Variants in SCEL observed in about 807,000 individuals in gnomAD.
SCEL encodes sciellin.
Under a neutral mutation model 117.6 loss-of-function variants are expected in SCEL, and 113 were observed. That is an observed-to-expected ratio of 0.96 (90% CI 0.83 to 1.12). SCEL has a LOEUF of 1.12. Among genes scored for constraint, SCEL ranks in the 50% most tolerant of loss-of-function variants. The pLI is 0.00. For synonymous variants in SCEL, 270 were observed against 256.2 expected, an observed-to-expected ratio of 1.05 and a Z score of -0.51; for missense variants, 785 against 810.8, an observed-to-expected ratio of 0.97 and a Z score of 0.39.
At chr13:77,542,269 T>C (rs1242691779) in intron 1 of SCEL, among the ~76,000 whole-genome samples, 3 of 152,046 alleles carry the variant, frequency 2.0e-5, no homozygotes, top group African/African-American at 7.2e-5. Flanking sequence ...GGCATGGTGG[T>C]GCGTGCCTGT....
chr13:77,631,245 C>T (rs1053337678), intron 28 of SCEL, among the ~76,000 whole-genome samples: 1 of 152,182 alleles, frequency 6.6e-6, no homozygotes, highest in African/African-American at 2.4e-5. Context: ...TGTTGTCTCT[C>T]CAACTCTATT....
Position 77,556,664 on chromosome 13 carries a change from A to C in SCEL, c.112A>C (p.Thr38Pro). The change falls in exon 3 of 33, where the codon ACT becomes CCT. Residue 38 changes from threonine to proline, a missense_variant. Physicochemically the swap from Thr to Pro is conservative, Grantham distance 38. Coordinates refer to ENST00000349847, the MANE Select transcript of SCEL (RefSeq NM_144777.3). ...TTTTCACGAGGTGAACAAAAGAAGA[A>C]CTTTCTTACAGGATAACAGTTGGAT... ...QDFHEVNKRR[T>P]FLQDNSWIKK... is the part of the protein sequence containing the mutation. 1 of 1,614,094 alleles carries C rather than the reference A, an allele frequency of 6.2e-7. No individual in the cohort carries two copies. Among genetic ancestry groups the C allele is most frequent in the Non-Finnish European group, 8.5e-7 (1 of 1,179,974 alleles).
At chr13:77,620,390 G>C (rs1182826158) in intron 27 of SCEL, among the ~76,000 whole-genome samples, 1 of 152,154 alleles carries the variant, frequency 6.6e-6, no homozygotes, top group Non-Finnish European at 1.5e-5. Context: ...TATCAATTCA[G>C]TGTGACACAA....
intron 29 of SCEL, among the ~76,000 whole-genome samples, chr13:77,635,859 C>A (rs1365082244): frequency 6.6e-6 from 1 of 152,130 alleles, no homozygotes; most frequent in African/African-American, 2.4e-5. Flanking sequence ...TGGGAACTTT[C>A]TAGAAATAAA....
At chr13:77,608,169 C>T in intron 20 of SCEL, 54 bp downstream of exon 20, 1 of 1,394,462 alleles carries the variant, frequency 7.2e-7, no homozygotes, top group African/African-American at 1.4e-5. Flanking sequence ...ATTTGTGGCA[C>T]TCAGGAAAGA....
At chr13:77,608,017 C>A in intron 19 of SCEL, 39 bp from the exon 20 acceptor site, 1 of 1,481,250 alleles carries the variant, frequency 6.8e-7, no homozygotes, top group Non-Finnish European at 9.4e-7. Context: ...ACCATTGTTA[C>A]GTGTTGTCAA....
At position 77,644,650 on chromosome 13, in the gene SCEL, C is replaced by T. The variant is rs2090710316; in HGVS notation, c.*376C>T. 1 of 164,958 alleles carries T rather than the reference C, an allele frequency of 6.1e-6. No homozygotes were observed. Among genetic ancestry groups the T allele is most frequent in the South Asian group, 1.9e-4 (1 of 5,386 alleles). 10.2% of individuals were successfully genotyped at this position (164,958 alleles called of 1,614,324 possible). On this transcript the variant is annotated 3_prime_UTR_variant, in exon 33 of 33. Transcript: ENST00000349847. ...TTCTCTAAGAATTTGGATTCGTAGA[C>T]ATTGACATCCCGAAGAACTGTCAAG...
At chr13:77,595,568 C>T (rs2087176642) in intron 12 of SCEL, among the ~76,000 whole-genome samples, 1 of 152,166 alleles carries the variant, frequency 6.6e-6, no homozygotes, top group Non-Finnish European at 1.5e-5. Context: ...ATAATCTCAT[C>T]ATTGTGACTC....
At chr13:77,580,911 T>C (rs992162820) in intron 9 of SCEL, among the ~76,000 whole-genome samples, 4 of 152,210 alleles carry the variant, frequency 2.6e-5, no homozygotes, top group African/African-American at 9.6e-5. Flanking sequence ...TGTTAGCTGA[T>C]TGGTAGACTT....
chr13:77,595,836 C>T (rs545268823), intron 12 of SCEL, among the ~76,000 whole-genome samples: 69 of 152,242 alleles, frequency 4.5e-4, no homozygotes, highest in African/African-American at 1.5e-3. Context: ...ACCATTGATA[C>T]CTAAAACTAC....
At position 77,617,845 on chromosome 13, in the gene SCEL, A is replaced by T; in HGVS notation, c.1554A>T (p.Val518=). 1 of 1,610,118 alleles carries T rather than the reference A, an allele frequency of 6.2e-7. No individual in the cohort carries two copies. Among genetic ancestry groups the T allele is most frequent in the Middle Eastern group, 1.7e-4 (1 of 6,042 alleles). ...ACCTCATCAAAGTAAATCCTGCAGT[A>T]ATCAGAAACAATCAGAGGTATATAT... is the stretch of plus-strand genomic sequence containing the variant. The part of the protein sequence containing the change: ...LANLIKVNPA[V]IRNNQSQDLD... Residue 518 remains valine (V), a synonymous_variant, in exon 26 of 33, where the codon GTA becomes GTT. Transcript: ENST00000349847.
chr13:77,615,935 A>G (rs1448403865), intron 24 of SCEL, among the ~76,000 whole-genome samples: 1 of 151,990 alleles, frequency 6.6e-6, no homozygotes, highest in African/African-American at 2.4e-5. Context: ...AAATTAATAG[A>G]ATGAACTGAA....
chr13:77,640,725 G>A lies in SCEL; in HGVS notation c.1888G>A (p.Val630Ile). 1 of 1,607,664 alleles carries A rather than the reference G, an allele frequency of 6.2e-7. No homozygotes were observed. The highest frequency in any genetic ancestry group is 8.5e-7 in the Non-Finnish European group (1 of 1,175,790). The change falls in exon 31 of 33, where the codon GTA (valine) becomes ATA (isoleucine). Residue 630 changes from valine (V) to isoleucine (I), a missense_variant. By Grantham distance (29) the Val-to-Ile change is conservative. Transcript: ENST00000349847. ...CACTTACTGCCGAAAACCCTTGGGT[G>A]TAGAAACTAAAATGATTTTAGATGA... is the stretch of plus-strand genomic sequence containing the variant. The part of the protein sequence containing the change: ...MCTYCRKPLG[V>I]ETKMILDELQ...
intron 8 of SCEL, among the ~76,000 whole-genome samples, chr13:77,570,151 A>G (rs911647593): frequency 6.6e-6 from 1 of 152,222 alleles, no homozygotes; most frequent in Non-Finnish European, 1.5e-5. Flanking sequence ...ACCTGGGTCC[A>G]TGCTCTGTAC....
At chr13:77,588,378 G>T (rs1167939647) in intron 9 of SCEL, among the ~76,000 whole-genome samples, 1 of 152,142 alleles carries the variant, frequency 6.6e-6, no homozygotes, top group African/African-American at 2.4e-5. Context: ...GAAGCCAGAA[G>T]GGTACACAGG....
chr13:77,547,392 T>C (rs2084052062), intron 1 of SCEL, among the ~76,000 whole-genome samples: 1 of 152,204 alleles, frequency 6.6e-6, no homozygotes, highest in Admixed American at 6.5e-5. Context: ...GTTTCACATA[T>C]GAGACTAATT....
chr13:77,586,618 C>T (rs1408519306), intron 9 of SCEL, among the ~76,000 whole-genome samples: 2 of 152,174 alleles, frequency 1.3e-5, no homozygotes, highest in East Asian at 3.9e-4. Flanking sequence ...AAATCCAACT[C>T]TCAGTCTATT....
At chr13:77,583,120 A>G (rs908149774) in intron 9 of SCEL, among the ~76,000 whole-genome samples, 1 of 152,206 alleles carries the variant, frequency 6.6e-6, no homozygotes, top group Non-Finnish European at 1.5e-5. Flanking sequence ...AGCACAGTAC[A>G]TGAACGTCAA....
intron 5 of SCEL, 101 bp from the exon 6 acceptor site, chr13:77,567,579 A>G (rs1291446835): frequency 1.3e-6 from 1 of 797,858 alleles, no homozygotes; most frequent in Non-Finnish European, 2.1e-6. Context: ...TCTTTACTAG[A>G]GAAAGGCTAT....
Sources: allele counts gnomAD v4.1 joint callset (sites outside exome capture counted in the v4.1 genomes callset), GRCh38; gene constraint gnomAD v4.1.1; transcripts MANE v1.5; gene names NCBI Gene and HGNC (gene_info 2026-07-23, HGNC 2026-07-21).